RIMBP2: variants seen among roughly 807,000 people sequenced by gnomAD.
RIMBP2 encodes the protein RIMS binding protein 2.
A neutral mutation model predicts 118.6 loss-of-function variants in RIMBP2; 48 were observed. The observed-to-expected ratio is 0.40, with a 90% CI of 0.32 to 0.51. RIMBP2 has a LOEUF of 0.51. Ranked by LOEUF, RIMBP2 falls within the 20% of genes least tolerant of loss-of-function variation. RIMBP2 has a pLI of 0.41. For synonymous variants in RIMBP2, 762 were observed against 742.9 expected, an observed-to-expected ratio of 1.03 and a Z score of -0.42; for missense variants, 1,551 against 1,768.3, an observed-to-expected ratio of 0.88 and a Z score of 2.20.
chr12:130,418,128 C>T (rs1014680456), intron 17 of RIMBP2, among the ~76,000 whole-genome samples: 1 of 152,206 alleles, frequency 6.6e-6, no homozygotes, highest in Non-Finnish European at 1.5e-5. Flanking sequence ...ATAAAACACG[C>T]AGTCTAACAA....
intron 1 of RIMBP2, among the ~76,000 whole-genome samples, chr12:130,676,854 G>A (rs2064511557): frequency 6.6e-6 from 1 of 152,152 alleles, no homozygotes; most frequent in South Asian, 2.1e-4. Flanking sequence ...GGGCTGCTGG[G>A]GTCAGGGTGA....
Position 130,688,951 on chromosome 12 carries a change from G to T in RIMBP2, c.-352+27271C>A, listed in dbSNP as rs1277935185. On this transcript the variant is annotated intron_variant, in intron 1 of 22. Transcript: ENST00000690449. The surrounding 1 kb of genome is among the most constrained non-coding windows in gnomAD (Gnocchi z 4.7). Reference sequence around the variant, plus strand: ...GGTCGGTCGCAGGCAGCAGAGAACTGCCCAGTGTGCGCCGATATCCTCTGT... The same window carrying T: ...GGTCGGTCGCAGGCAGCAGAGAACTTCCCAGTGTGCGCCGATATCCTCTGT... Among the ~76,000 whole-genome samples, 1 of 152,264 alleles carries T rather than the reference G, an allele frequency of 6.6e-6. No homozygotes were observed. The highest frequency in any genetic ancestry group is 2.4e-5 in the African/African-American group (1 of 41,472).
At position 130,406,216 on chromosome 12, in the gene RIMBP2, T is replaced by C. The variant is rs779083555; in HGVS notation, c.3721A>G (p.Ile1241Val). 28 of 1,604,590 alleles carry C rather than the reference T, an allele frequency of 1.7e-5. No homozygotes were observed. The highest frequency in any genetic ancestry group is 2.2e-5 in the Non-Finnish European group (26 of 1,173,334). ...EAELTFCTGD[I>V]ITVFGEIDED... ...TCAATTTCACCAAAAACTGTAATAA[T>C]ATCTCCTGTGCAAAATGTAAGTTCG... is the stretch of plus-strand genomic sequence containing the variant. Residue 1241 changes from isoleucine to valine, a missense_variant, in exon 21 of 23, where the codon ATT becomes GTT. Physicochemically the swap from Ile to Val is conservative, Grantham distance 29. Coordinates refer to ENST00000690449, the MANE Select transcript of RIMBP2 (RefSeq NM_001393629.1).
At chr12:130,639,078 C>G (rs10848167) in intron 1 of RIMBP2, among the ~76,000 whole-genome samples, 99,231 of 151,990 alleles carry the variant, frequency 0.65, 32,637 homozygotes, top group Admixed American at 0.73. Context: ...TTTCTGTAAA[C>G]CTAAAACTGC....
chr12:130,666,318 T>G (rs1303347197), intron 1 of RIMBP2, among the ~76,000 whole-genome samples: 1 of 152,144 alleles, frequency 6.6e-6, no homozygotes, highest in African/African-American at 2.4e-5. Flanking sequence ...CTAAGGGGCT[T>G]GGCACAGGTC....
At chr12:130,425,352 T>TC (rs1287079773) in intron 15 of RIMBP2, 2 of 153,664 alleles carry the variant, frequency 1.3e-5, no homozygotes, top group Non-Finnish European at 2.9e-5. Flanking sequence ...CAACTTCCCT[T>TC]CCAGCGCTCG....
intron 1 of RIMBP2, among the ~76,000 whole-genome samples, chr12:130,712,114 G>A (rs541644059): frequency 8.5e-5 from 13 of 152,242 alleles, no homozygotes; most frequent in South Asian, 6.2e-4. Context: ...GGGTGGGTGA[G>A]TGAGTGAGTG....
chr12:130,524,231 G>A (rs2052506525), intron 2 of RIMBP2, among the ~76,000 whole-genome samples: 1 of 152,166 alleles, frequency 6.6e-6, no homozygotes, highest in Non-Finnish European at 1.5e-5. Context: ...ATTAATTCTT[G>A]TGTAAATGAG....
At chr12:130,633,207 TATTC>T (rs2062113460) in intron 1 of RIMBP2, among the ~76,000 whole-genome samples, 1 of 152,240 alleles carries the variant, frequency 6.6e-6, no homozygotes, top group Non-Finnish European at 1.5e-5. Context: ...TGTCTGAGTA[TATTC>T]ATTATCTAAA....
In RIMBP2 at chr12:130,622,268, C is replaced by A. The variant is rs548099795; in HGVS notation, c.-217+6054G>T. ...CCCCACAAGGCTGCATAGGAGGTTC[C>A]GGGGAACAGAGTCCCCAAACATCAC... is the stretch of plus-strand genomic sequence containing the variant. On this transcript the variant is annotated intron_variant, in intron 2 of 22. Transcript: ENST00000690449. The surrounding 1 kb of genome is among the most constrained non-coding windows in gnomAD (Gnocchi z 8.5). 9.2e-5 allele frequency among the ~76,000 whole-genome samples: 14 copies of A among 152,064 alleles called. No individual in the cohort carries two copies.
intron 17 of RIMBP2, among the ~76,000 whole-genome samples, chr12:130,418,387 T>G (rs61935861): frequency 6.6e-6 from 1 of 152,130 alleles, no homozygotes; most frequent in Admixed American, 6.5e-5. Context: ...AAGCGCTCCA[T>G]GGCCTCTACA....
At position 130,434,811 on chromosome 12, in the gene RIMBP2, C is replaced by T. The variant is rs775519111; in HGVS notation, c.2176G>A (p.Ala726Thr). ...CTCTTGAAGTCTGGAGAGTCATAGG[C>T]GTCCTCCTCGTCTGAGGCGGCGTAC... ...GQYAASDEED[A>T]YDSPDFKRRG... Residue 726 changes from alanine (A) to threonine (T), a missense_variant, in exon 14 of 23, where the codon GCC becomes ACC. Physicochemically the swap from Ala to Thr is moderately conservative, Grantham distance 58. Coordinates refer to ENST00000690449, the MANE Select transcript of RIMBP2 (RefSeq NM_001393629.1). The surrounding 1 kb of genome is among the most constrained non-coding windows in gnomAD (Gnocchi z 5.7). 1.2e-5 allele frequency: 19 copies of T among 1,613,738 alleles called. No individual in the cohort carries two copies. Among genetic ancestry groups the T allele is most frequent in the African/African-American group, 1.1e-4 (8 of 74,912 alleles).
intron 4 of RIMBP2, among the ~76,000 whole-genome samples, chr12:130,487,033 C>T (rs1298792552): frequency 6.6e-6 from 1 of 152,256 alleles, no homozygotes; most frequent in Non-Finnish European, 1.5e-5. Flanking sequence ...CTGCAGCCAA[C>T]AGGCTCCTCT....
chr12:130,669,515 T>G (rs1203822191), intron 1 of RIMBP2, among the ~76,000 whole-genome samples: 2 of 151,888 alleles, frequency 1.3e-5, no homozygotes, highest in Non-Finnish European at 2.9e-5. Flanking sequence ...GATCTGGTGG[T>G]TTTATAAGGG....
At chr12:130,400,343 T>C (rs1477634808) in intron 21 of RIMBP2, among the ~76,000 whole-genome samples, 1 of 152,186 alleles carries the variant, frequency 6.6e-6, no homozygotes, top group East Asian at 1.9e-4. Context: ...ATTCAAACAA[T>C]ATGGAGAAAA....
chr12:130,606,470 A>C (rs1400750768), intron 2 of RIMBP2, among the ~76,000 whole-genome samples: 1 of 152,234 alleles, frequency 6.6e-6, no homozygotes, highest in Non-Finnish European at 1.5e-5. Context: ...GCAGGTCTTT[A>C]GGTGGCTGTC....
rs984986885 is a variant in RIMBP2, at chr12:130,688,024, A to G, written c.-352+28198T>C. Among the ~76,000 whole-genome samples the G allele has an allele frequency of 2.6e-5, 4 of 152,238 alleles. No individual in the cohort carries two copies. The highest frequency in any genetic ancestry group is 9.6e-5 in the African/African-American group (4 of 41,462). On this transcript the variant is annotated intron_variant, in intron 1 of 22. Transcript: ENST00000690449. The surrounding 1 kb of genome is among the most constrained non-coding windows in gnomAD (Gnocchi z 4.7). ...CAAAGACCTGACAATCTCGGCCAAC[A>G]GCTCAGATCAACTATTGTTAAAATT...
At chr12:130,681,567 T>C (rs569059785) in intron 1 of RIMBP2, among the ~76,000 whole-genome samples, 2 of 152,342 alleles carry the variant, frequency 1.3e-5, no homozygotes, top group African/African-American at 4.8e-5. Context: ...ATATTTCATG[T>C]TAATAAGCCA....
intron 2 of RIMBP2, among the ~76,000 whole-genome samples, chr12:130,543,484 C>T (rs1251842885): frequency 6.6e-6 from 1 of 152,086 alleles, no homozygotes; most frequent in African/African-American, 2.4e-5. Flanking sequence ...AAAACTCAGG[C>T]CAGCAGAAAA....
Sources: gnomAD v4.1 joint callset for allele counts (sites outside exome capture counted in the v4.1 genomes callset) on GRCh38, gnomAD v4.1.1 for gene constraint, Gnocchi (gnomAD v3.1) non-coding constraint, MANE v1.5 for transcripts, NCBI Gene and HGNC (gene_info 2026-07-23, HGNC 2026-07-21) for gene names.